Variants in UXS1 observed in about 807,000 individuals in gnomAD.
UXS1 encodes UDP-glucuronate decarboxylase 1.
In UXS1, 33 loss-of-function variants were observed where a neutral mutation model predicts 62.6. The observed-to-expected ratio is 0.53, with a 90% CI of 0.40 to 0.70. The LOEUF is 0.70. Among genes scored for constraint, UXS1 ranks in the 30% least tolerant of loss-of-function variants. The pLI is 0.00. For missense variants in UXS1, 434 were observed against 556.3 expected (o/e 0.78, Z 2.21); for synonymous variants, 213 against 206.8 (o/e 1.03, Z -0.26).
chr2:106,122,074 C>A (rs1679566330), intron 9 of UXS1, among the ~76,000 whole-genome samples: 1 of 152,198 alleles, frequency 6.6e-6, no homozygotes, highest in South Asian at 2.1e-4. Context: ...GCCGACAGTT[C>A]CCCAGGCTCA....
chr2:106,143,740 C>T (rs1443486219), intron 6 of UXS1, among the ~76,000 whole-genome samples: 6 of 152,302 alleles, frequency 3.9e-5, no homozygotes, highest in African/African-American at 9.6e-5. Context: ...AGGCTCTCAG[C>T]AGGGAGCCAT....
At chr2:106,148,463 T>C (rs1307402815) in intron 5 of UXS1, among the ~76,000 whole-genome samples, 1 of 152,234 alleles carries the variant, frequency 6.6e-6, no homozygotes, top group Non-Finnish European at 1.5e-5. Flanking sequence ...TCTAACATTA[T>C]CTCTGCACCC....
At chr2:106,122,846 G>T (rs1679628228) in intron 9 of UXS1, 124 bp downstream of exon 9, 1 of 1,283,986 alleles carries the variant, frequency 7.8e-7, no homozygotes, top group South Asian at 1.6e-5. Context: ...CTGGGAAACT[G>T]AGCTTCCCAA....
chr2:106,110,547 G>A (rs1413700640), intron 10 of UXS1, among the ~76,000 whole-genome samples: 2 of 152,164 alleles, frequency 1.3e-5, no homozygotes, highest in Non-Finnish European at 2.9e-5. Context: ...TGAGCAGGTG[G>A]ACTAAGGGGT....
chr2:106,122,836 C>T (rs1679627405), intron 9 of UXS1, 134 bp downstream of exon 9: 1 of 1,148,986 alleles, frequency 8.7e-7, no homozygotes, highest in Non-Finnish European at 1.2e-6. Context: ...ATTTATAATA[C>T]TGGGAAACTG....
At chr2:106,151,538 T>C (rs1252077523) in intron 5 of UXS1, among the ~76,000 whole-genome samples, 6 of 152,198 alleles carry the variant, frequency 3.9e-5, no homozygotes, top group African/African-American at 1.4e-4. Context: ...AGAATGCCCC[T>C]TGATATTGCA....
intron 9 of UXS1, among the ~76,000 whole-genome samples, chr2:106,115,568 T>G (rs953883647): frequency 2.0e-5 from 3 of 152,308 alleles, no homozygotes; most frequent in Non-Finnish European, 4.4e-5. Context: ...CCTACAAGCC[T>G]GAGCTGCACC....
intron 9 of UXS1, among the ~76,000 whole-genome samples, chr2:106,119,591 T>C (rs954808233): frequency 1.1e-4 from 17 of 152,184 alleles, no homozygotes; most frequent in Admixed American, 6.5e-5. Context: ...CTCCAGACAG[T>C]GACACATCCA....
At chr2:106,192,911 T>C (rs1295095654) in intron 1 of UXS1, among the ~76,000 whole-genome samples, 1 of 152,206 alleles carries the variant, frequency 6.6e-6, no homozygotes, top group Non-Finnish European at 1.5e-5. Flanking sequence ...ATTACTGCCA[T>C]AATAATAGTT....
At chr2:106,167,468 A>G (rs1222667719) in intron 1 of UXS1, among the ~76,000 whole-genome samples, 1 of 152,194 alleles carries the variant, frequency 6.6e-6, no homozygotes, top group African/African-American at 2.4e-5. Context: ...TCTTGTGTGT[A>G]GTAGGAGTTT....
intron 14 of UXS1, among the ~76,000 whole-genome samples, chr2:106,096,323 AGT>A (rs146497283): frequency 0.051 from 7,729 of 152,108 alleles, 224 homozygotes; most frequent in Non-Finnish European, 0.059. Flanking sequence ...TGTGAAAATG[AGT>A]GTGTGTGAGT....
intron 7 of UXS1, 26 bp downstream of exon 7, chr2:106,129,647 CA>C: frequency 2.6e-6 from 4 of 1,561,488 alleles, no homozygotes; most frequent in Non-Finnish European, 3.5e-6. Context: ...CAGCAACAGC[CA>C]AAAAAACAAG....
intron 10 of UXS1, among the ~76,000 whole-genome samples, chr2:106,108,851 C>T (rs576159458): frequency 6.6e-6 from 1 of 152,238 alleles, no homozygotes; most frequent in African/African-American, 2.4e-5. Flanking sequence ...CGTTCAGCCT[C>T]GAGTACCTTC....
intron 1 of UXS1, among the ~76,000 whole-genome samples, chr2:106,170,491 T>C (rs1378997188): frequency 6.6e-6 from 1 of 152,236 alleles, no homozygotes; most frequent in Non-Finnish European, 1.5e-5. Context: ...CCAAGTAATT[T>C]TTCCCTTTTC....
At chr2:106,178,446 A>G (rs1684027825) in intron 1 of UXS1, among the ~76,000 whole-genome samples, 3 of 152,154 alleles carry the variant, frequency 2.0e-5, no homozygotes, top group African/African-American at 7.2e-5. Context: ...GTGTATGTAT[A>G]TATGTATGTG....
At chr2:106,121,055 T>TA (rs749037758) in intron 9 of UXS1, among the ~76,000 whole-genome samples, 1 of 152,170 alleles carries the variant, frequency 6.6e-6, no homozygotes, top group Non-Finnish European at 1.5e-5. Flanking sequence ...TACTAGGTGC[T>TA]ACCTTCCGGA....
intron 1 of UXS1, among the ~76,000 whole-genome samples, chr2:106,172,114 T>C (rs1683601391): frequency 6.6e-6 from 1 of 152,246 alleles, no homozygotes; most frequent in African/African-American, 2.4e-5. Context: ...ATTGCTTTAC[T>C]GTCCAGAGGC....
In UXS1 at chr2:106,095,376, A is replaced by C. The variant is rs577290489; in HGVS notation, c.1147-1219T>G. Among the ~76,000 whole-genome samples, 17 of 152,340 alleles carry C rather than the reference A, an allele frequency of 1.1e-4. 2 individuals carry two copies. The South Asian group carries it at 3.3e-3, about 30-fold the overall frequency. On this transcript the variant is annotated intron_variant, in intron 14 of 14. Coordinates refer to ENST00000283148, the MANE Select transcript of UXS1 (RefSeq NM_001253875.2). ...TAATTGTATTTTTATTTCACTCAAC[A>C]AATTTCTGCAGTTTTTAGCAGATTA... is the stretch of plus-strand genomic sequence containing the variant.
chr2:106,152,701 T>A (rs1558730611), intron 5 of UXS1, among the ~76,000 whole-genome samples: 1 of 151,852 alleles, frequency 6.6e-6, no homozygotes, highest in African/African-American at 2.4e-5. Flanking sequence ...GAGTGGGGAA[T>A]GTGCTGGGTG....
Sources: allele counts gnomAD v4.1 joint callset (sites outside exome capture counted in the v4.1 genomes callset), GRCh38; gene constraint gnomAD v4.1.1; transcripts MANE v1.5; gene names NCBI Gene and HGNC (gene_info 2026-07-23, HGNC 2026-07-21).